The following ALMS1 variants were observed in gnomAD, a reference collection of about 807,000 sequenced individuals.
ALMS1 encodes ALMS1 centrosome and basal body associated protein.
A neutral mutation model predicts 352.2 loss-of-function variants in ALMS1; 271 were observed. The observed-to-expected ratio is 0.77, with a 90% CI of 0.70 to 0.85. The LOEUF (loss-of-function observed/expected upper bound fraction) is 0.85, where lower values mean the gene tolerates loss of function less well. Among genes scored for constraint, ALMS1 ranks in the 40% least tolerant of loss-of-function variants. The pLI, the probability that ALMS1 is intolerant of heterozygous loss-of-function variation, is 0.00. For missense variants in ALMS1, 5,445 were observed against 4,870.7 expected, an observed-to-expected ratio of 1.12 and a Z score of -3.51; for synonymous variants, 1,865 against 1,761.2, an observed-to-expected ratio of 1.06 and a Z score of -1.48.
chr2:73,408,401 A>G (rs1449489373), intron 1 of ALMS1, among the ~76,000 whole-genome samples: 1 of 152,234 alleles, frequency 6.6e-6, no homozygotes, highest in East Asian at 1.9e-4. Context: ...CTCTATGGGT[A>G]AAGGAGGTTA....
chr2:73,482,555 T>A (rs1309324587), intron 9 of ALMS1, among the ~76,000 whole-genome samples: 1 of 152,194 alleles, frequency 6.6e-6, no homozygotes, highest in Non-Finnish European at 1.5e-5. Flanking sequence ...TTGTTGTGTC[T>A]CTGCCTGGCT....
At chr2:73,483,055 T>G (rs1275666431) in intron 9 of ALMS1, among the ~76,000 whole-genome samples, 2 of 151,838 alleles carry the variant, frequency 1.3e-5, no homozygotes, top group Non-Finnish European at 2.9e-5. Context: ...TGAAGGGTTT[T>G]TTGTGTCTCT....
At chr2:73,608,080 T>C (rs1375106180) in intron 21 of ALMS1, among the ~76,000 whole-genome samples, 1 of 152,194 alleles carries the variant, frequency 6.6e-6, no homozygotes, top group Non-Finnish European at 1.5e-5. Context: ...GTGACCATTT[T>C]AGTACTTTTC....
At chr2:73,521,293 G>A (rs984686678) in intron 11 of ALMS1, among the ~76,000 whole-genome samples, 4 of 152,024 alleles carry the variant, frequency 2.6e-5, no homozygotes, top group African/African-American at 7.2e-5. Flanking sequence ...ACAGGCTTAT[G>A]GGTCAATTGG....
intron 15 of ALMS1, among the ~76,000 whole-genome samples, chr2:73,571,878 A>C (rs557981076): frequency 6.6e-6 from 1 of 152,148 alleles, no homozygotes; most frequent in Non-Finnish European, 1.5e-5. Context: ...GGGGTTACCA[A>C]TATCTGTCAG....
intron 16 of ALMS1, among the ~76,000 whole-genome samples, chr2:73,595,288 C>T (rs774797636): frequency 1.8e-4 from 28 of 152,196 alleles, no homozygotes; most frequent in Non-Finnish European, 3.8e-4. Context: ...ACATTTCTGT[C>T]GTTACCAAAA....
At chr2:73,595,751 G>A (rs1394659276) in intron 16 of ALMS1, among the ~76,000 whole-genome samples, 1 of 152,180 alleles carries the variant, frequency 6.6e-6, no homozygotes, top group African/African-American at 2.4e-5. Flanking sequence ...ATTCTCGCCT[G>A]CAATGTGTGA....
At chr2:73,446,737 A>G (rs1443713775) in intron 7 of ALMS1, among the ~76,000 whole-genome samples, 1 of 152,074 alleles carries the variant, frequency 6.6e-6, no homozygotes, top group Non-Finnish European at 1.5e-5. Context: ...TTCTAGAAAA[A>G]CTATGTATCT....
chr2:73,469,830 A>C (rs1458733401), intron 9 of ALMS1: 1 of 151,844 alleles, frequency 6.6e-6, no homozygotes, highest in African/African-American at 2.4e-5. Flanking sequence ...TGTTTATTTT[A>C]ACATTCTATC....
At chr2:73,582,303 T>C (rs1180961498) in intron 16 of ALMS1, among the ~76,000 whole-genome samples, 6 of 152,232 alleles carry the variant, frequency 3.9e-5, no homozygotes, top group South Asian at 2.1e-4. Context: ...CATTCTGATG[T>C]ATTTATTAAA....
At chr2:73,555,976 A>G (rs1057479329) in intron 13 of ALMS1, among the ~76,000 whole-genome samples, 1 of 152,186 alleles carries the variant, frequency 6.6e-6, no homozygotes, top group African/African-American at 2.4e-5. Flanking sequence ...AATATATGCA[A>G]TGTGGTAAAG....
rs1558679135 is a variant in ALMS1, at chr2:73,519,880, A to G, written c.9645A>G (p.Ser3215=). ...AAAGTCCAGAAAAGACCCTATTTTC[A>G]TCTGAGATTTTTATTAATGCTGAAG... The part of the protein sequence containing the change: ...TTESPEKTLF[S]SEIFINAEDR... The change falls in exon 11 of 23, where the codon TCA becomes TCG. Residue 3215 remains serine, a synonymous_variant. Coordinates refer to ENST00000613296, the MANE Select transcript of ALMS1 (RefSeq NM_001378454.1). The G allele has an allele frequency of 3.7e-6, 6 of 1,614,008 alleles. No homozygotes were observed. Among genetic ancestry groups the G allele is most frequent in the African/African-American group, 2.7e-5 (2 of 74,946 alleles).
intron 12 of ALMS1, among the ~76,000 whole-genome samples, chr2:73,539,216 T>A (rs1041033859): frequency 6.6e-6 from 1 of 152,180 alleles, no homozygotes; most frequent in Non-Finnish European, 1.5e-5. Flanking sequence ...CGGCAACATT[T>A]GCTGTTCACC....
At chr2:73,509,474 C>A (rs1472691026) in intron 10 of ALMS1, among the ~76,000 whole-genome samples, 3 of 152,164 alleles carry the variant, frequency 2.0e-5, no homozygotes, top group Non-Finnish European at 2.9e-5. Context: ...AATCCCTCAG[C>A]ATTTACCTGT....
At position 73,447,966 on chromosome 2, in the gene ALMS1, C is replaced by T. The variant is rs765903576; in HGVS notation, c.1439C>T (p.Thr480Ile). Reference sequence around the variant, plus strand: ...CAAATCTCTTTTTCTTTAGGAGACACTTCTAAAGGAGGCATAGCTAAAGTT... The same window carrying T: ...CAAATCTCTTTTTCTTTAGGAGACATTTCTAAAGGAGGCATAGCTAAAGTT... ...KAPKHLKAGDTSKGGIAKVTQ... is the reference protein window; with the variant it reads ...KAPKHLKAGDISKGGIAKVTQ... Residue 480 changes from threonine (T) to isoleucine (I), a missense_variant, in exon 8 of 23, where the codon ACT becomes ATT. Thr to Ile is a moderately conservative substitution (Grantham distance 89). Transcript: ENST00000613296. The T allele has an allele frequency of 6.2e-7, 1 of 1,610,536 alleles. No individual in the cohort carries two copies. Among genetic ancestry groups the T allele is most frequent in the Non-Finnish European group, 8.5e-7 (1 of 1,177,902 alleles).
At position 73,407,444 on chromosome 2, in the gene ALMS1, A is replaced by G. The variant is rs571105914; in HGVS notation, c.325-1178A>G. Among the ~76,000 whole-genome samples, 12 of 152,216 alleles carry G rather than the reference A, an allele frequency of 7.9e-5. 1 individual carries two copies. The highest frequency in any genetic ancestry group is 2.9e-4 in the African/African-American group (12 of 41,506). On this transcript the variant is annotated intron_variant, in intron 1 of 22. Transcript: ENST00000613296. Reference sequence around the variant, plus strand: ...AATCATAGCATGTAGATTTATAGTTAATTTTTATGCTTTTGTCTTTTAAAT... The same window carrying G: ...AATCATAGCATGTAGATTTATAGTTGATTTTTATGCTTTTGTCTTTTAAAT...
At position 73,432,261 on chromosome 2, in the gene ALMS1, G is replaced by C. The variant is rs1409680993; in HGVS notation, c.1402G>C (p.Val468Leu). 38 of 1,613,148 alleles carry C rather than the reference G, an allele frequency of 2.4e-5. No individual in the cohort carries two copies. Among genetic ancestry groups the C allele is most frequent in the Admixed American group, 3.3e-5 (2 of 60,000 alleles). Reference protein sequence around the residue: ...LRMLRMSPDTVPKAPKHLKAG... With the variant: ...LRMLRMSPDTLPKAPKHLKAG... ...AATGTTGAGGATGTCTCCTGACACT[G>C]TGCCAAAGGCTCCTAAACATTTAAA... is the stretch of plus-strand genomic sequence containing the variant. Residue 468 changes from valine (V) to leucine (L), a missense_variant, in exon 7 of 23, where the codon GTG (valine) becomes CTG (leucine). Coordinates refer to ENST00000613296, the MANE Select transcript of ALMS1 (RefSeq NM_001378454.1).
At chr2:73,563,313 A>G (rs1317677969) in intron 15 of ALMS1, among the ~76,000 whole-genome samples, 3 of 152,198 alleles carry the variant, frequency 2.0e-5, no homozygotes, top group Admixed American at 1.3e-4. Flanking sequence ...CTGATTTGCA[A>G]TCCACAATGA....
intron 10 of ALMS1, among the ~76,000 whole-genome samples, chr2:73,504,148 C>T (rs189500325): frequency 6.6e-6 from 1 of 152,282 alleles, no homozygotes. Context: ...TCAGCTTCCC[C>T]ATTGATAATG....
Sources: allele counts gnomAD v4.1 joint callset (sites outside exome capture counted in the v4.1 genomes callset), GRCh38; gene constraint gnomAD v4.1.1; transcripts MANE v1.5; gene names NCBI Gene and HGNC (gene_info 2026-07-23, HGNC 2026-07-21).